PTPRG: variants seen among roughly 807,000 people sequenced by gnomAD.
PTPRG encodes the protein protein tyrosine phosphatase receptor type G, also known as receptor-type tyrosine-protein phosphatase gamma.
Under a neutral mutation model 165.3 loss-of-function variants are expected in PTPRG, and 102 were observed. The ratio of observed to expected loss-of-function variants is 0.62; its 90% CI spans 0.53 to 0.73. The LOEUF is 0.73. Among genes scored for constraint, PTPRG ranks in the 30% least tolerant of loss-of-function variants. The pLI, the probability that PTPRG is intolerant of heterozygous loss-of-function variation, is 0.00. For synonymous variants in PTPRG, 675 were observed against 669.5 expected (o/e 1.01, Z -0.13); for missense variants, 1,866 against 1,861.4 (o/e 1.00, Z -0.05).
chr3:61,580,488 C>G (rs747747694), intron 1 of PTPRG, among the ~76,000 whole-genome samples: 4 of 149,722 alleles, frequency 2.7e-5, no homozygotes, highest in Admixed American at 6.8e-5. Flanking sequence ...TCAAGAGATT[C>G]TCCTGCCTCA....
At chr3:62,185,352 A>G (rs1705836277) in intron 8 of PTPRG, among the ~76,000 whole-genome samples, 1 of 152,228 alleles carries the variant, frequency 6.6e-6, no homozygotes, top group African/African-American at 2.4e-5. Context: ...AAAGGCTTCA[A>G]TTTTGTGCAA....
intron 2 of PTPRG, among the ~76,000 whole-genome samples, chr3:61,943,011 C>T (rs1290066228): frequency 6.6e-6 from 1 of 151,966 alleles, no homozygotes; most frequent in African/African-American, 2.4e-5. Flanking sequence ...ATCTCCTTGC[C>T]AGGTGCAGAA....
rs963654217 is a variant in PTPRG, at chr3:62,121,384, G to A, written c.616-11218G>A. Among the ~76,000 whole-genome samples the A allele has an allele frequency of 2.6e-5, 4 of 152,008 alleles. No homozygotes were observed. The East Asian group carries it at 7.7e-4, about 29-fold the overall frequency. ...ACAACCCTATGAGGTTTTTCAGGGG[G>A]GTGATCTCAACATTACATATGAGGA... On this transcript the variant is annotated intron_variant, in intron 5 of 29. Transcript: ENST00000474889.
chr3:62,044,262 G>T (rs1271170042), intron 4 of PTPRG, among the ~76,000 whole-genome samples: 1 of 152,196 alleles, frequency 6.6e-6, no homozygotes, highest in East Asian at 1.9e-4. Flanking sequence ...CTCTTGGCCG[G>T]GTGTGGTGGC....
At chr3:62,193,385 A>T (rs1206837013) in intron 9 of PTPRG, among the ~76,000 whole-genome samples, 2 of 152,248 alleles carry the variant, frequency 1.3e-5, no homozygotes, top group African/African-American at 2.4e-5. Flanking sequence ...AGAGAAAAAC[A>T]TGCATTGACA....
chr3:61,767,433 C>G (rs2034061267), intron 2 of PTPRG, among the ~76,000 whole-genome samples: 1 of 152,076 alleles, frequency 6.6e-6, no homozygotes, highest in South Asian at 2.1e-4. Flanking sequence ...CATACATGCT[C>G]ATTTAAATAA....
intron 1 of PTPRG, among the ~76,000 whole-genome samples, chr3:61,726,290 A>C (rs1367329322): frequency 6.6e-6 from 1 of 152,184 alleles, no homozygotes; most frequent in East Asian, 1.9e-4. Context: ...TTCAAGCGAA[A>C]GGGTCTTTTG....
chr3:62,013,571 G>GCT (rs1021338708), intron 4 of PTPRG, among the ~76,000 whole-genome samples: 1 of 152,174 alleles, frequency 6.6e-6, no homozygotes, highest in Non-Finnish European at 1.5e-5. Context: ...GATTATCTCT[G>GCT]CTCTTGCAGC....
At chr3:61,587,015 T>G (rs1352430592) in intron 1 of PTPRG, among the ~76,000 whole-genome samples, 2 of 152,144 alleles carry the variant, frequency 1.3e-5, no homozygotes. Context: ...GGGCCACTGT[T>G]ACGGGGGATG....
At chr3:61,732,923 A>G (rs918075208) in intron 1 of PTPRG, among the ~76,000 whole-genome samples, 13 of 152,216 alleles carry the variant, frequency 8.5e-5, no homozygotes, top group Non-Finnish European at 1.8e-4. Context: ...TGGTGTTAGC[A>G]TAATGCCTTC....
At chr3:62,061,863 C>T (rs1224422495) in intron 4 of PTPRG, among the ~76,000 whole-genome samples, 7 of 151,592 alleles carry the variant, frequency 4.6e-5, no homozygotes, top group African/African-American at 1.7e-4. Context: ...CTCATGACGT[C>T]GGGTGATCTG....
intron 1 of PTPRG, among the ~76,000 whole-genome samples, chr3:61,692,808 C>A (rs1027487309): frequency 6.6e-6 from 1 of 152,084 alleles, no homozygotes; most frequent in Non-Finnish European, 1.5e-5. Context: ...CAGGAACCGG[C>A]CATCTGGATG....
At chr3:61,678,422 G>T (rs1324458985) in intron 1 of PTPRG, among the ~76,000 whole-genome samples, 1 of 152,272 alleles carries the variant, frequency 6.6e-6, no homozygotes. Flanking sequence ...ACACAGCAGG[G>T]GAGTCAAGAA....
chr3:61,666,711 C>T (rs1702821901), intron 1 of PTPRG, among the ~76,000 whole-genome samples: 1 of 151,970 alleles, frequency 6.6e-6, no homozygotes, highest in African/African-American at 2.4e-5. Flanking sequence ...AAGGTTATTA[C>T]CCAGCATCTG....
intron 2 of PTPRG, among the ~76,000 whole-genome samples, chr3:61,802,242 G>A (rs964296725): frequency 1.3e-5 from 2 of 152,140 alleles, no homozygotes; most frequent in African/African-American, 2.4e-5. Context: ...GTCATTGCCA[G>A]TTTGGGTGGA....
At chr3:61,847,703 G>C (rs2036844509) in intron 2 of PTPRG, among the ~76,000 whole-genome samples, 1 of 152,172 alleles carries the variant, frequency 6.6e-6, no homozygotes, top group Non-Finnish European at 1.5e-5. Flanking sequence ...TATGAAGCAT[G>C]TTCTTTGTCT....
intron 2 of PTPRG, among the ~76,000 whole-genome samples, chr3:61,841,248 A>T (rs2036624025): frequency 6.6e-6 from 1 of 152,244 alleles, no homozygotes; most frequent in Admixed American, 6.5e-5. Flanking sequence ...TATAGTGAGC[A>T]GGAAAGAACC....
chr3:62,095,274 C>G (rs1189789952), intron 5 of PTPRG, among the ~76,000 whole-genome samples: 1 of 152,128 alleles, frequency 6.6e-6, no homozygotes, highest in East Asian at 1.9e-4. Flanking sequence ...AAAGCTGCAT[C>G]CCCCATGTGA....
intron 4 of PTPRG, among the ~76,000 whole-genome samples, chr3:62,046,478 C>T (rs1559765222): frequency 6.6e-6 from 1 of 152,196 alleles, no homozygotes; most frequent in Non-Finnish European, 1.5e-5. Flanking sequence ...CCAAACCTCA[C>T]TAACTGATCA....
Sources: gnomAD v4.1 joint callset for allele counts (sites outside exome capture counted in the v4.1 genomes callset) on GRCh38, gnomAD v4.1.1 for gene constraint, MANE v1.5 for transcripts, NCBI Gene and HGNC (gene_info 2026-07-23, HGNC 2026-07-21) for gene names.